Variants in BMP6 observed in about 807,000 individuals in gnomAD.
The protein encoded by BMP6 is VG-1-R.
Under a neutral mutation model 54.1 loss-of-function variants are expected in BMP6, and 17 were observed. That is an observed-to-expected ratio of 0.31 (90% CI 0.22 to 0.47). The LOEUF is 0.47. Ranked by LOEUF, BMP6 falls within the 20% of genes least tolerant of loss-of-function variation. The pLI is 1.00. For missense variants in BMP6, 720 were observed against 690.4 expected (o/e 1.04, Z -0.48); for synonymous variants, 328 against 291.2 (o/e 1.13, Z -1.28).
chr6:7,864,724 A>T (rs779454286), intron 4 of BMP6, among the ~76,000 whole-genome samples: 1 of 152,128 alleles, frequency 6.6e-6, no homozygotes, highest in African/African-American at 2.4e-5. Flanking sequence ...GCTTCTTGTC[A>T]TCCTGGTGTT....
Position 7,877,886 on chromosome 6 carries a change from A to G in BMP6, c.1205-1188A>G, listed in dbSNP as rs765355825. ...TCCGTCGTTTCTCGAACTCTCCAAC[A>G]CAACTCCAGATGGATTAATCCTTTC... is the stretch of plus-strand genomic sequence containing the variant. On this transcript the variant is annotated intron_variant, in intron 4 of 6. Transcript: ENST00000283147. 1.1e-4 allele frequency among the ~76,000 whole-genome samples: 17 copies of G among 152,278 alleles called. No individual in the cohort carries two copies. In the Middle Eastern group the frequency reaches 0.01, roughly 91 times the overall value.
chr6:7,771,842 C>G (rs1366856784), intron 1 of BMP6, among the ~76,000 whole-genome samples: 2 of 152,124 alleles, frequency 1.3e-5, no homozygotes, highest in Non-Finnish European at 2.9e-5. Flanking sequence ...CACCTGAGGT[C>G]AGGAGTTTGA....
chr6:7,870,721 G>A (rs1011724866), intron 4 of BMP6, among the ~76,000 whole-genome samples: 30 of 152,104 alleles, frequency 2.0e-4, no homozygotes, highest in African/African-American at 7.0e-4. Flanking sequence ...TCTGCCTCCC[G>A]GGTTCAAGCA....
Position 7,742,984 on chromosome 6 carries a change from G to A in BMP6, c.664+15365G>A, listed in dbSNP as rs1424127795. On this transcript the variant is annotated intron_variant, in intron 1 of 6. Coordinates refer to ENST00000283147, the MANE Select transcript of BMP6 (RefSeq NM_001718.6). Reference sequence around the variant, plus strand: ...GAGATATAAACACTTTCATTTCCAGGATATAGTGTAGTCTTAGGATGGAGC... The same window carrying A: ...GAGATATAAACACTTTCATTTCCAGAATATAGTGTAGTCTTAGGATGGAGC... Among the ~76,000 whole-genome samples the A allele has an allele frequency of 5.3e-5, 8 of 152,118 alleles. 1 individual carries two copies. The East Asian group carries it at 1.5e-3, about 29-fold the overall frequency.
chr6:7,760,128 T>C (rs1291526745), intron 1 of BMP6, among the ~76,000 whole-genome samples: 4 of 149,454 alleles, frequency 2.7e-5, no homozygotes, highest in African/African-American at 9.9e-5. Context: ...GTACAGCGAT[T>C]ATAGCTTACT....
intron 1 of BMP6, among the ~76,000 whole-genome samples, chr6:7,833,317 C>G (rs267185): frequency 0.54 from 81,531 of 152,024 alleles, 23,026 homozygotes; most frequent in East Asian, 0.73. Flanking sequence ...GCTCCCCGTG[C>G]CTGTAGCTTC....
chr6:7,740,176 G>A (rs372870071), intron 1 of BMP6, among the ~76,000 whole-genome samples: 3 of 152,056 alleles, frequency 2.0e-5, no homozygotes, highest in African/African-American at 4.8e-5. Flanking sequence ...ACCAAGGCTC[G>A]GTGGCCTGGT....
chr6:7,750,348 A>G (rs1325928162), intron 1 of BMP6, among the ~76,000 whole-genome samples: 1 of 152,206 alleles, frequency 6.6e-6, no homozygotes, highest in Non-Finnish European at 1.5e-5. Context: ...CAGAGGTACC[A>G]TGATAGAGAT....
Position 7,726,699 on chromosome 6 carries a change from G to T in BMP6, c.-257G>T. 5.9e-6 allele frequency: 1 copy of T among 169,650 alleles called. No individual in the cohort carries two copies. The highest frequency in any genetic ancestry group is 1.2e-5 in the Non-Finnish European group (1 of 80,052). The allele number at this position is 169,650 out of a possible 1,614,324, so 10.5% of individuals were successfully genotyped here. A position where few individuals can be genotyped will look rare whatever the true frequency, so the allele number is the denominator to read the frequency against. On this transcript the variant is annotated 5_prime_UTR_variant, in exon 1 of 7. Transcript: ENST00000283147. ...GGACCGCGCGCCTCTAGAGACCTGC[G>T]CGAGGCTGTGAGGCTCCCCTTCCTC...
chr6:7,854,425 C>T (rs958112370), intron 2 of BMP6, among the ~76,000 whole-genome samples: 6 of 152,046 alleles, frequency 3.9e-5, no homozygotes, highest in Non-Finnish European at 7.4e-5. Flanking sequence ...TTTCATTTCC[C>T]CACCTTGGAC....
At chr6:7,739,981 T>C (rs1432152951) in intron 1 of BMP6, among the ~76,000 whole-genome samples, 1 of 152,218 alleles carries the variant, frequency 6.6e-6, no homozygotes, top group Non-Finnish European at 1.5e-5. Flanking sequence ...GGATATTTTC[T>C]GAAATACAAC....
intron 2 of BMP6, among the ~76,000 whole-genome samples, chr6:7,856,741 C>T (rs1049889946): frequency 3.8e-4 from 56 of 149,000 alleles, no homozygotes; most frequent in African/African-American, 8.9e-4. Flanking sequence ...GGACTACAGG[C>T]GCCCGCCACT....
chr6:7,733,723 AC>A (rs779843494), intron 1 of BMP6, among the ~76,000 whole-genome samples: 1 of 152,020 alleles, frequency 6.6e-6, no homozygotes, highest in Non-Finnish European at 1.5e-5. Flanking sequence ...TTCTGATCAT[AC>A]CCTTACCTTC....
At chr6:7,774,708 A>G (rs1261133186) in intron 1 of BMP6, among the ~76,000 whole-genome samples, 3 of 152,218 alleles carry the variant, frequency 2.0e-5, no homozygotes, top group Non-Finnish European at 4.4e-5. Flanking sequence ...GACTCCGTCA[A>G]AAAAAAGATC....
At chr6:7,861,317 A>G in intron 2 of BMP6, 134 bp from the exon 3 acceptor site, 2 of 1,171,706 alleles carry the variant, frequency 1.7e-6, no homozygotes, top group Non-Finnish European at 2.4e-6. Flanking sequence ...GGCTATGGCA[A>G]GTCACTGTGC....
intron 2 of BMP6, among the ~76,000 whole-genome samples, chr6:7,858,986 G>A (rs1175557415): frequency 6.6e-6 from 1 of 151,924 alleles, no homozygotes; most frequent in Non-Finnish European, 1.5e-5. Flanking sequence ...CAAATTCATG[G>A]GGCCCCAGAG....
intron 1 of BMP6, among the ~76,000 whole-genome samples, chr6:7,743,397 A>G (rs1757299696): frequency 6.6e-6 from 1 of 152,040 alleles, no homozygotes. Context: ...TGTTAGAATC[A>G]TTTATCTTGT....
chr6:7,829,183 T>A (rs1052152408), intron 1 of BMP6, among the ~76,000 whole-genome samples: 5 of 152,232 alleles, frequency 3.3e-5, no homozygotes, highest in East Asian at 1.9e-4. Flanking sequence ...TGCCACCCCA[T>A]GAGAGAAACT....
intron 2 of BMP6, among the ~76,000 whole-genome samples, chr6:7,850,445 C>T (rs1007896794): frequency 6.6e-6 from 1 of 152,178 alleles, no homozygotes; most frequent in Non-Finnish European, 1.5e-5. Flanking sequence ...ATCCCTCCCT[C>T]CTTACTAAAA....
Sources: allele counts gnomAD v4.1 joint callset (sites outside exome capture counted in the v4.1 genomes callset), GRCh38; gene constraint gnomAD v4.1.1; transcripts MANE v1.5; gene names NCBI Gene and HGNC (gene_info 2026-07-23, HGNC 2026-07-21).